The following LIN52 variants were observed in gnomAD, a reference collection of about 807,000 sequenced individuals.
LIN52 encodes the protein protein lin-52 homolog.
LIN52 carries 4 observed loss-of-function variants against 18.5 expected under a neutral mutation model. The observed-to-expected ratio is 0.22, with a 90% CI of 0.11 to 0.49. The LOEUF (loss-of-function observed/expected upper bound fraction) is 0.49, where lower values mean the gene tolerates loss of function less well. Ranked by LOEUF, LIN52 falls within the 20% of genes least tolerant of loss-of-function variation. LIN52 has a pLI of 0.97. For missense variants in LIN52, 102 were observed against 139.5 expected, an observed-to-expected ratio of 0.73 and a Z score of 1.35; for synonymous variants, 34 against 45.5, an observed-to-expected ratio of 0.75 and a Z score of 1.02.
At chr14:74,181,991 C>T (rs946307278) in intron 5 of LIN52, among the ~76,000 whole-genome samples, 1 of 152,080 alleles carries the variant, frequency 6.6e-6, no homozygotes, top group African/African-American at 2.4e-5. Flanking sequence ...TAGATGGCTA[C>T]TGTATATTGT....
At chr14:74,197,267 G>GT (rs2078918869) in intron 5 of LIN52, among the ~76,000 whole-genome samples, 1 of 152,146 alleles carries the variant, frequency 6.6e-6, no homozygotes, top group Non-Finnish European at 1.5e-5. Context: ...GCAGACACTA[G>GT]GTCTGCTGAG....
chr14:74,102,923 G>C (rs2060868382), intron 5 of LIN52, among the ~76,000 whole-genome samples: 1 of 151,410 alleles, frequency 6.6e-6, no homozygotes, highest in Admixed American at 6.6e-5. Flanking sequence ...ATGACCCATG[G>C]CCCAGCTTCA....
chr14:74,135,506 C>T (rs1269927852), intron 5 of LIN52, among the ~76,000 whole-genome samples: 2 of 152,100 alleles, frequency 1.3e-5, no homozygotes, highest in Admixed American at 6.5e-5. Context: ...CATAAGTTCT[C>T]GTCTGCTTAC....
At chr14:74,113,761 T>C (rs1309555675) in intron 5 of LIN52, among the ~76,000 whole-genome samples, 1 of 152,014 alleles carries the variant, frequency 6.6e-6, no homozygotes, top group Non-Finnish European at 1.5e-5. Flanking sequence ...TTACTACAAT[T>C]TTTTTTATTG....
intron 5 of LIN52, among the ~76,000 whole-genome samples, chr14:74,134,368 G>A (rs762325620): frequency 2.0e-5 from 3 of 152,152 alleles, no homozygotes; most frequent in Non-Finnish European, 4.4e-5. Context: ...TAACTTGCTA[G>A]GAGATTAGGT....
chr14:74,110,180 A>G (rs1246766136), intron 5 of LIN52, among the ~76,000 whole-genome samples: 1 of 152,234 alleles, frequency 6.6e-6, no homozygotes, highest in African/African-American at 2.4e-5. Context: ...GATTAATCAT[A>G]TAATTCTGTA....
chr14:74,183,443 A>G (rs2061327900), intron 5 of LIN52, among the ~76,000 whole-genome samples: 1 of 152,114 alleles, frequency 6.6e-6, no homozygotes, highest in South Asian at 2.1e-4. Context: ...ATCTATTTCC[A>G]GGCCAATTAA....
chr14:74,128,617 T>C (rs1444824138), intron 5 of LIN52, among the ~76,000 whole-genome samples: 1 of 152,194 alleles, frequency 6.6e-6, no homozygotes, highest in Non-Finnish European at 1.5e-5. Context: ...CATTATCATA[T>C]GTGAATTATA....
chr14:74,156,388 A>G (rs1271544702), intron 5 of LIN52, among the ~76,000 whole-genome samples: 1 of 152,218 alleles, frequency 6.6e-6, no homozygotes, highest in Non-Finnish European at 1.5e-5. Context: ...ATCAACAAGT[A>G]TAAATTGAGC....
intron 5 of LIN52, among the ~76,000 whole-genome samples, chr14:74,145,819 T>C (rs757525576): frequency 6.6e-6 from 1 of 152,234 alleles, no homozygotes; most frequent in Non-Finnish European, 1.5e-5. Context: ...AAACATGAAA[T>C]GTTTTTGAAA....
intron 5 of LIN52, among the ~76,000 whole-genome samples, chr14:74,151,041 C>A (rs1353228880): frequency 6.6e-6 from 1 of 152,104 alleles, no homozygotes; most frequent in Admixed American, 6.6e-5. Flanking sequence ...TTAATATAAA[C>A]CTCCTTAAAA....
At position 74,199,720 on chromosome 14, in the gene LIN52, CT is replaced by C. The variant is rs1311532559; in HGVS notation, c.*747del. On this transcript the variant is annotated 3_prime_UTR_variant, in exon 6 of 6. Transcript: ENST00000555028. Reference sequence around the variant, plus strand: ...ACCAATGTGAAGGTGACAGAAAGGACTTTTGAGTTCTAATTAATCTGTTACA... The same window carrying C: ...ACCAATGTGAAGGTGACAGAAAGGACTTTGAGTTCTAATTAATCTGTTACA... 1 of 152,194 alleles carries C rather than the reference CT, an allele frequency of 6.6e-6. No individual in the cohort carries two copies. The highest frequency in any genetic ancestry group is 1.5e-5 in the Non-Finnish European group (1 of 68,048). The allele number at this position is 152,194 out of a possible 1,614,324, so 9.4% of individuals were successfully genotyped here. A position where few individuals can be genotyped will look rare whatever the true frequency, so the allele number is the denominator to read the frequency against.
chr14:74,091,031 A>G (rs2060769359), intron 1 of LIN52, among the ~76,000 whole-genome samples: 1 of 152,222 alleles, frequency 6.6e-6, no homozygotes, highest in African/African-American at 2.4e-5. Context: ...TATCATTCCC[A>G]TTCATAGATT....
intron 5 of LIN52, among the ~76,000 whole-genome samples, chr14:74,124,667 G>A (rs2061017975): frequency 6.6e-6 from 1 of 151,846 alleles, no homozygotes; most frequent in Non-Finnish European, 1.5e-5. Context: ...AAAATTAGCT[G>A]GGCATGGTGA....
rs187710453 is a variant in LIN52, at chr14:74,158,475, C to T, written c.284-40447C>T. On this transcript the variant is annotated intron_variant, in intron 5 of 5. Transcript: ENST00000555028. The stretch of plus-strand genomic sequence containing the variant: ...TTTCTTTTTTATTTTTATTTATTTA[C>T]TTGTTTGTTTATTTATTTTTGAGAC... Among the ~76,000 whole-genome samples the T allele has an allele frequency of 7.5e-3, 884 of 117,686 alleles. 8 individuals are homozygous for T. Among genetic ancestry groups the T allele is most frequent in the African/African-American group, 0.022 (813 of 36,734 alleles). 77.2% of individuals were successfully genotyped at this position (117,686 alleles called of 152,430 possible). A position where few individuals can be genotyped will look rare whatever the true frequency, so the allele number is the denominator to read the frequency against.
intron 5 of LIN52, among the ~76,000 whole-genome samples, chr14:74,179,713 C>T (rs1424882390): frequency 6.6e-6 from 1 of 151,228 alleles, no homozygotes; most frequent in Non-Finnish European, 1.5e-5. Context: ...TAAATGTTCT[C>T]ATTTTTCCTT....
At chr14:74,114,175 AGTGTGTG>A in intron 5 of LIN52, 11 of 939,944 alleles carry the variant, frequency 1.2e-5, no homozygotes, top group Non-Finnish European at 1.4e-5. Context: ...AACTGAGATT[AGTGTGTG>A]TGTGTGTGTG....
chr14:74,149,853 GTCT>G (rs1179921371), intron 5 of LIN52, among the ~76,000 whole-genome samples: 8 of 152,128 alleles, frequency 5.3e-5, no homozygotes, highest in African/African-American at 1.9e-4. Context: ...TTGCAAAATA[GTCT>G]TCTACCAACT....
intron 5 of LIN52, among the ~76,000 whole-genome samples, chr14:74,124,151 T>C (rs2139927550): frequency 6.6e-6 from 1 of 152,208 alleles, no homozygotes; most frequent in Admixed American, 6.5e-5. Context: ...AGAATTGAGC[T>C]AGGTTCCTGG....
Sources: gnomAD v4.1 joint callset for allele counts (sites outside exome capture counted in the v4.1 genomes callset) on GRCh38, gnomAD v4.1.1 for gene constraint, MANE v1.5 for transcripts, NCBI Gene and HGNC (gene_info 2026-07-23, HGNC 2026-07-21) for gene names.